The following DOCK1 variants were observed in gnomAD, a reference collection of about 807,000 sequenced individuals.
DOCK1 encodes the protein dedicator of cytokinesis protein 1.
A neutral mutation model predicts 262.7 loss-of-function variants in DOCK1; 138 were observed. That is an observed-to-expected ratio of 0.53 (90% CI 0.46 to 0.61). DOCK1 has a LOEUF of 0.61. Ranked by LOEUF, DOCK1 falls within the 20% of genes least tolerant of loss-of-function variation. DOCK1 has a pLI of 0.00. For synonymous variants in DOCK1, 866 were observed against 867.4 expected (o/e 1.00, Z 0.03); for missense variants, 1,908 against 2,370.7 (o/e 0.80, Z 4.05).
At chr10:127,434,326 T>C (rs1482457979) in intron 48 of DOCK1, among the ~76,000 whole-genome samples, 1 of 152,150 alleles carries the variant, frequency 6.6e-6, no homozygotes, top group Admixed American at 6.5e-5. Context: ...AAAGGCATAT[T>C]ATCCTTTTTA....
chr10:126,975,940 T>G (rs192602466), intron 2 of DOCK1, among the ~76,000 whole-genome samples: 1 of 152,266 alleles, frequency 6.6e-6, no homozygotes, highest in Admixed American at 6.5e-5. Context: ...CTATACTTAG[T>G]TGCTGTCTTT....
Position 126,915,430 on chromosome 10 carries a change from C to CGG in DOCK1, c.46+9875_46+9876dup, listed in dbSNP as rs111810265. On this transcript the variant is annotated intron_variant, in intron 1 of 51. Coordinates refer to ENST00000623213, the MANE Select transcript of DOCK1 (RefSeq NM_001290223.2). ...AATGTGTCTTTTTCTTTTTTGGGGG[C>CGG]GGGGGGGGGATGGAGTCTTGCTCTG... 1.5e-3 allele frequency among the ~76,000 whole-genome samples: 187 copies of CGG among 120,892 alleles called. 1 individual carries two copies. The highest frequency in any genetic ancestry group is 4.0e-3 in the African/African-American group (135 of 33,884). The allele number at this position is 120,892 out of a possible 152,430, so 79.3% of individuals were successfully genotyped here.
intron 43 of DOCK1, among the ~76,000 whole-genome samples, chr10:127,413,826 T>C (rs748851741): frequency 7.2e-5 from 11 of 152,182 alleles, no homozygotes; most frequent in Admixed American, 2.0e-4. Flanking sequence ...CCTGTGTCCT[T>C]ATGGCTTCAG....
intron 27 of DOCK1, among the ~76,000 whole-genome samples, chr10:127,226,238 C>G (rs1457863325): frequency 6.6e-6 from 1 of 152,058 alleles, no homozygotes; most frequent in Non-Finnish European, 1.5e-5. Context: ...GCATAAGGCT[C>G]AAGAAAAACT....
intron 1 of DOCK1, among the ~76,000 whole-genome samples, chr10:126,921,056 TG>T (rs2033139411): frequency 6.6e-6 from 1 of 151,914 alleles, no homozygotes; most frequent in South Asian, 2.1e-4. Context: ...AACAATTAGT[TG>T]GGCGTGGTGG....
chr10:127,419,819 C>T, intron 46 of DOCK1, 70 bp downstream of exon 46: 3 of 1,480,484 alleles, frequency 2.0e-6, no homozygotes, highest in East Asian at 2.5e-5. Context: ...GCTCAGCACA[C>T]ACACCAGCCA....
At position 127,078,881 on chromosome 10, in the gene DOCK1, T is replaced by G. The variant is rs545302453; in HGVS notation, c.2445+17105T>G. Among the ~76,000 whole-genome samples the G allele has an allele frequency of 1.1e-4, 16 of 152,322 alleles. 1 individual carries two copies. The South Asian group carries it at 3.3e-3, about 32-fold the overall frequency. The stretch of plus-strand genomic sequence containing the variant: ...TCTTCATCCTTTTTCTGTCTGCCTT[T>G]CCTTGTTCTCATACTTAAAGACAGC... On this transcript the variant is annotated intron_variant, in intron 23 of 51. Coordinates refer to ENST00000623213, the MANE Select transcript of DOCK1 (RefSeq NM_001290223.2).
intron 20 of DOCK1, 80 bp from the exon 21 acceptor site, chr10:127,042,982 AGG>A (rs2044119871): frequency 3.7e-6 from 3 of 820,676 alleles, no homozygotes; most frequent in Middle Eastern, 3.9e-4. Flanking sequence ...ATCCTAACAC[AGG>A]GGTGCAGATG....
At chr10:127,280,028 AT>A (rs1564960547) in intron 29 of DOCK1, among the ~76,000 whole-genome samples, 2,409 of 141,392 alleles carry the variant, frequency 0.017, 45 homozygotes, top group African/African-American at 0.06. Context: ...ATATATATAT[AT>A]ATATAATTTT....
At position 127,374,088 on chromosome 10, in the gene DOCK1, C is replaced by A. The variant is rs762500269; in HGVS notation, c.3549C>A (p.Tyr1183Ter). 6.2e-7 allele frequency: 1 copy of A among 1,612,976 alleles called. No homozygotes were observed. Among genetic ancestry groups the A allele is most frequent in the Non-Finnish European group, 8.5e-7 (1 of 1,179,430 alleles). Reference protein sequence around the residue: ...ILLEHCRKHKYLAKTGETFVK... With the variant: ...ILLEHCRKHK Reference sequence around the variant, plus strand: ...TGGAACACTGCAGGAAGCACAAATACCTCGCCAAAACAGGAGAAACTTTTG... The same window carrying A: ...TGGAACACTGCAGGAAGCACAAATAACTCGCCAAAACAGGAGAAACTTTTG... The change falls in exon 35 of 52, where the codon TAC (tyrosine) becomes TAA (stop). Residue 1183 changes from tyrosine to a stop codon, truncating the protein, a stop_gained. Coordinates refer to ENST00000623213, the MANE Select transcript of DOCK1 (RefSeq NM_001290223.2). LOFTEE classifies it high-confidence loss of function.
intron 23 of DOCK1, among the ~76,000 whole-genome samples, chr10:127,071,029 G>T (rs1187506898): frequency 6.6e-6 from 1 of 152,010 alleles, no homozygotes; most frequent in Non-Finnish European, 1.5e-5. Context: ...TGATAAGTTT[G>T]CCCTACACAC....
chr10:127,015,997 C>T (rs972284684), intron 12 of DOCK1: 2 of 152,340 alleles, frequency 1.3e-5, no homozygotes, highest in African/African-American at 2.4e-5. Flanking sequence ...AGGTCTCAGC[C>T]CCGAAGTCCC....
chr10:127,061,190 T>C lies in DOCK1; in HGVS notation c.2337-478T>C, dbSNP rs190248855. Among the ~76,000 whole-genome samples the C allele has an allele frequency of 5.9e-5, 9 of 152,268 alleles. No individual in the cohort carries two copies. The East Asian group carries it at 1.7e-3, about 29-fold the overall frequency. On this transcript the variant is annotated intron_variant, in intron 22 of 51. Transcript: ENST00000623213. ...TTGCAGTGAGCCGAGATCATGCCATTGCACTCCAGCCTGGGTGACAAGAGC... is the reference window on the plus strand; with the variant it reads ...TTGCAGTGAGCCGAGATCATGCCATCGCACTCCAGCCTGGGTGACAAGAGC...
In DOCK1 at chr10:127,006,741, G is replaced by C. The variant is rs1176703667; in HGVS notation, c.986-1991G>C. Among the ~76,000 whole-genome samples, 3 of 152,158 alleles carry C rather than the reference G, an allele frequency of 2.0e-5. No homozygotes were observed. The East Asian group carries it at 5.8e-4, about 29-fold the overall frequency. ...GCTTGTTTGCTGCCTTCCTGCACAT[G>C]GTCCTGTGTTCCAGGGCTGGGCACT... is the stretch of plus-strand genomic sequence containing the variant. On this transcript the variant is annotated intron_variant, in intron 10 of 51. Transcript: ENST00000623213.
chr10:127,447,617 G>C (rs973799527), intron 51 of DOCK1, 72 bp downstream of exon 51: 1 of 1,562,906 alleles, frequency 6.4e-7, no homozygotes, highest in African/African-American at 1.4e-5. Flanking sequence ...CCTCATTCCA[G>C]ATACTAGCAG....
chr10:127,346,043 G>A (rs1020598559), intron 31 of DOCK1, among the ~76,000 whole-genome samples: 1 of 152,162 alleles, frequency 6.6e-6, no homozygotes, highest in Non-Finnish European at 1.5e-5. Context: ...AGGACAGCTC[G>A]GCCACAGCAG....
intron 10 of DOCK1, among the ~76,000 whole-genome samples, chr10:127,006,494 TC>T: frequency 6.6e-6 from 1 of 152,318 alleles, no homozygotes; most frequent in Non-Finnish European, 1.5e-5. Context: ...TTCCCCCAAG[TC>T]CTTTATTTCC....
chr10:127,320,747 A>T (rs2062482396), intron 29 of DOCK1, among the ~76,000 whole-genome samples: 1 of 152,194 alleles, frequency 6.6e-6, no homozygotes, highest in South Asian at 2.1e-4. Context: ...AGAAATATTT[A>T]TTAAGCACTA....
intron 13 of DOCK1, among the ~76,000 whole-genome samples, chr10:127,022,672 AG>A (rs1045142869): frequency 6.6e-6 from 1 of 152,202 alleles, no homozygotes; most frequent in Non-Finnish European, 1.5e-5. Context: ...ATGGGATCAC[AG>A]GGGTGAGCCA....
Sources: allele counts gnomAD v4.1 joint callset (sites outside exome capture counted in the v4.1 genomes callset), GRCh38; gene constraint gnomAD v4.1.1; transcripts MANE v1.5; gene names NCBI Gene and HGNC (gene_info 2026-07-23, HGNC 2026-07-21).